GATA4: variants seen among roughly 807,000 people sequenced by gnomAD.
GATA4 encodes the protein GATA binding protein 4.
GATA4 carries 7 observed loss-of-function variants against 37.9 expected under a neutral mutation model. The observed-to-expected ratio is 0.18, with a 90% CI of 0.11 to 0.35. The LOEUF is 0.35. Ranked by LOEUF, GATA4 falls within the 10% of genes least tolerant of loss-of-function variation. The pLI, the probability that GATA4 is intolerant of heterozygous loss-of-function variation, is 1.00. For missense variants in GATA4, 647 were observed against 653.0 expected (o/e 0.99, Z 0.10); for synonymous variants, 372 against 292.6 (o/e 1.27, Z -2.77).
intron 2 of GATA4, among the ~76,000 whole-genome samples, chr8:11,740,323 C>T (rs1176147385): frequency 6.6e-6 from 1 of 152,214 alleles, no homozygotes; most frequent in Non-Finnish European, 1.5e-5. Context: ...GGCCACACAC[C>T]CTGGTGTGAA....
chr8:11,710,924 A>C (rs1161797406), intron 2 of GATA4, among the ~76,000 whole-genome samples: 1 of 151,970 alleles, frequency 6.6e-6, no homozygotes, highest in Non-Finnish European at 1.5e-5. Flanking sequence ...GTTCCTGGCC[A>C]ACATGGTGAA....
At chr8:11,746,730 C>T (rs1319932232) in intron 2 of GATA4, among the ~76,000 whole-genome samples, 3 of 151,770 alleles carry the variant, frequency 2.0e-5, no homozygotes, top group Non-Finnish European at 4.4e-5. Context: ...CAGCTGGGAG[C>T]AAGCTATGGG....
chr8:11,711,063 C>G (rs1398796542), intron 2 of GATA4, among the ~76,000 whole-genome samples: 2 of 152,064 alleles, frequency 1.3e-5, no homozygotes, highest in Non-Finnish European at 1.5e-5. Context: ...TGAGATTGCT[C>G]CACTGCACTC....
chr8:11,703,395 C>A (rs1420490505), upstream of GATA4, among the ~76,000 whole-genome samples: 1 of 152,134 alleles, frequency 6.6e-6, no homozygotes, highest in Non-Finnish European at 1.5e-5. Flanking sequence ...AGGCCTGACA[C>A]ATTCCCCTCC....
chr8:11,693,562 C>CACAGAGAGAGAGAGAGAG (rs1405047773), intron 1 of GATA4, among the ~76,000 whole-genome samples: 32 of 72,220 alleles, frequency 4.4e-4, no homozygotes, highest in Middle Eastern at 7.1e-3. Flanking sequence ...CACACACACA[C>CACAGAGAGAGAGAGAGAG]AGAGAGAGAG....
intron 2 of GATA4, among the ~76,000 whole-genome samples, chr8:11,717,453 G>A (rs1180717504): frequency 6.6e-6 from 1 of 152,076 alleles, no homozygotes; most frequent in Non-Finnish European, 1.5e-5. Flanking sequence ...TCTCTGTTTT[G>A]CTGGAAAGAA....
intron 4 of GATA4, among the ~76,000 whole-genome samples, chr8:11,751,629 T>G (rs1306335756): frequency 6.6e-6 from 1 of 152,224 alleles, no homozygotes; most frequent in Non-Finnish European, 1.5e-5. Context: ...CAATTGATCT[T>G]TCCCCACTTC....
At chr8:11,696,595 G>A (rs1328201746) in intron 1 of GATA4, among the ~76,000 whole-genome samples, 2 of 152,206 alleles carry the variant, frequency 1.3e-5, no homozygotes, top group Non-Finnish European at 2.9e-5. Flanking sequence ...TACTACTTTA[G>A]AGTTTAAAGT....
upstream of GATA4, among the ~76,000 whole-genome samples, chr8:11,690,403 A>G (rs1488008801): frequency 2.0e-5 from 3 of 152,238 alleles, no homozygotes; most frequent in East Asian, 5.8e-4. Flanking sequence ...GATGTCAAAT[A>G]TAAGATTTCT....
rs923780493 is a variant in GATA4 at position 11,758,833 on chromosome 8, G to T, written c.*358G>T. On this transcript the variant is annotated 3_prime_UTR_variant, in exon 7 of 7. Coordinates refer to ENST00000532059, the MANE Select transcript of GATA4 (RefSeq NM_001308093.3). The stretch of plus-strand genomic sequence containing the variant: ...TAGCACCGAGGATCTGAGAACAAGC[G>T]GAGGGCCGGGCCCTGGGACCCCTGC... 8.6e-6 allele frequency: 3 copies of T among 349,316 alleles called. No individual in the cohort carries two copies. Among genetic ancestry groups the T allele is most frequent in the Non-Finnish European group, 1.7e-5 (3 of 180,226 alleles). 21.6% of individuals were successfully genotyped at this position (349,316 alleles called of 1,614,324 possible).
intron 1 of GATA4, among the ~76,000 whole-genome samples, chr8:11,679,646 C>G (rs925827339): frequency 2.0e-5 from 3 of 152,208 alleles, no homozygotes; most frequent in Non-Finnish European, 4.4e-5. Context: ...CAGCCAAGCA[C>G]CCGCGGCCTT....
chr8:11,684,171 C>T (rs903592778), intron 1 of GATA4, among the ~76,000 whole-genome samples: 7 of 152,186 alleles, frequency 4.6e-5, no homozygotes, highest in East Asian at 1.9e-4. Context: ...AACCTGAAGA[C>T]GCTGTGGGCC....
intron 2 of GATA4, among the ~76,000 whole-genome samples, chr8:11,740,453 C>T (rs534509560): frequency 6.6e-6 from 1 of 152,236 alleles, no homozygotes; most frequent in African/African-American, 2.4e-5. Context: ...AAGAGGAGAA[C>T]CTTGTCCCAG....
chr8:11,679,168 C>T, intron 1 of GATA4, among the ~76,000 whole-genome samples: 1 of 87,220 alleles, frequency 1.1e-5, no homozygotes, highest in African/African-American at 3.3e-5. Context: ...AGGCAATTAT[C>T]CGAATAATTG....
intron 2 of GATA4, among the ~76,000 whole-genome samples, chr8:11,718,310 A>C (rs1049500171): frequency 6.6e-6 from 1 of 152,206 alleles, no homozygotes; most frequent in African/African-American, 2.4e-5. Context: ...CACGATATTC[A>C]AGTTTCTTAT....
At chr8:11,750,052 G>A in intron 3 of GATA4, 59 bp from the exon 4 acceptor site, 1 of 1,612,850 alleles carries the variant, frequency 6.2e-7, no homozygotes, top group Non-Finnish European at 8.5e-7. Flanking sequence ...CACACGCGAG[G>A]TGGAAGGGCA....
intron 2 of GATA4, among the ~76,000 whole-genome samples, chr8:11,723,627 G>C (rs1251746337): frequency 6.6e-6 from 1 of 152,184 alleles, no homozygotes; most frequent in East Asian, 1.9e-4. Context: ...CTCAGAGCTA[G>C]CTCTGCCAGC....
intron 2 of GATA4, among the ~76,000 whole-genome samples, chr8:11,723,404 C>T (rs554183800): frequency 2.8e-4 from 42 of 152,106 alleles, no homozygotes; most frequent in African/African-American, 1.0e-3. Flanking sequence ...ATCCATATAT[C>T]CTGATTGATG....
intron 2 of GATA4, among the ~76,000 whole-genome samples, chr8:11,737,429 T>A (rs1801517198): frequency 6.6e-6 from 1 of 152,238 alleles, no homozygotes; most frequent in Non-Finnish European, 1.5e-5. Context: ...CCCTGGCAAT[T>A]TATTCAATAT....
Sources: allele counts gnomAD v4.1 joint callset (sites outside exome capture counted in the v4.1 genomes callset), GRCh38; gene constraint gnomAD v4.1.1; transcripts MANE v1.5; gene names NCBI Gene and HGNC (gene_info 2026-07-23, HGNC 2026-07-21).